PTPRA: variants seen among roughly 807,000 people sequenced by gnomAD.
PTPRA encodes the protein protein tyrosine phosphatase receptor type A, also known as receptor-type tyrosine-protein phosphatase alpha.
PTPRA carries 25 observed loss-of-function variants against 104.8 expected under a neutral mutation model. The observed-to-expected ratio is 0.24, with a 90% CI of 0.17 to 0.33. The LOEUF (loss-of-function observed/expected upper bound fraction) is 0.33. Ranked by LOEUF, PTPRA falls within the 10% of genes least tolerant of loss-of-function variation. The pLI, the probability that PTPRA is intolerant of heterozygous loss-of-function variation, is 1.00. For synonymous variants in PTPRA, 323 were observed against 368.9 expected (o/e 0.88, Z 1.43); for missense variants, 765 against 1,015.3 (o/e 0.75, Z 3.35).
chr20:2,953,871 G>T (rs552394069), intron 3 of PTPRA, among the ~76,000 whole-genome samples: 1 of 151,558 alleles, frequency 6.6e-6, no homozygotes, highest in Non-Finnish European at 1.5e-5. Context: ...GATTACAGGG[G>T]TGAGCCACCA....
intron 3 of PTPRA, among the ~76,000 whole-genome samples, chr20:2,954,762 A>G (rs931005745): frequency 1.3e-5 from 2 of 152,152 alleles, no homozygotes; most frequent in Admixed American, 1.3e-4. Flanking sequence ...ATATCCAAGA[A>G]ATTTTTGCCA....
upstream of PTPRA, among the ~76,000 whole-genome samples, chr20:2,870,653 A>G (rs1771885496): frequency 6.6e-6 from 1 of 152,202 alleles, no homozygotes; most frequent in Non-Finnish European, 1.5e-5. Context: ...TCCATTTACT[A>G]GAAGGGGAAA....
At chr20:2,908,835 G>A (rs1251861406) in intron 1 of PTPRA, among the ~76,000 whole-genome samples, 1 of 152,178 alleles carries the variant, frequency 6.6e-6, no homozygotes, top group Non-Finnish European at 1.5e-5. Context: ...TGATAGTTAT[G>A]TACTAATAAA....
At chr20:3,026,387 G>A (rs1344191762) in intron 17 of PTPRA, among the ~76,000 whole-genome samples, 2 of 152,178 alleles carry the variant, frequency 1.3e-5, no homozygotes, top group East Asian at 1.9e-4. Context: ...GCCTCTGGGG[G>A]TGGAACTGCA....
chr20:2,975,663 T>C (rs2062401312), intron 6 of PTPRA, among the ~76,000 whole-genome samples: 1 of 152,210 alleles, frequency 6.6e-6, no homozygotes, highest in Non-Finnish European at 1.5e-5. Context: ...ATGGATTTTA[T>C]GGATTTTCAG....
At chr20:2,916,810 C>G (rs1229554585) in intron 1 of PTPRA, among the ~76,000 whole-genome samples, 1 of 152,298 alleles carries the variant, frequency 6.6e-6, no homozygotes, top group South Asian at 2.1e-4. Flanking sequence ...TATACCATTA[C>G]CACACAGCTT....
intron 1 of PTPRA, among the ~76,000 whole-genome samples, chr20:2,918,495 G>C (rs1169243672): frequency 6.6e-6 from 1 of 152,178 alleles, no homozygotes; most frequent in African/African-American, 2.4e-5. Context: ...GTTAACAGTA[G>C]GGGATGGTAA....
upstream of PTPRA, chr20:2,873,272 C>G (rs563081872): frequency 6.6e-6 from 1 of 152,364 alleles, no homozygotes; most frequent in Admixed American, 6.5e-5. The surrounding 1 kb of genome is among the most constrained non-coding windows in gnomAD (Gnocchi z 4.4). Context: ...TTCCGGGGTC[C>G]AGCTTCCCGA....
At chr20:2,987,666 C>A (rs2062964335) in intron 7 of PTPRA, among the ~76,000 whole-genome samples, 2 of 152,208 alleles carry the variant, frequency 1.3e-5, no homozygotes. Flanking sequence ...GTCTCCCAGG[C>A]TACACTGAGG....
chr20:2,909,022 T>G (rs2059528723), intron 1 of PTPRA, among the ~76,000 whole-genome samples: 1 of 152,166 alleles, frequency 6.6e-6, no homozygotes. Context: ...GCCACTCCAC[T>G]CTGCCAGTCA....
At chr20:2,880,766 AT>A (rs924323246) in intron 1 of PTPRA, among the ~76,000 whole-genome samples, 3 of 152,156 alleles carry the variant, frequency 2.0e-5, no homozygotes, top group Admixed American at 2.0e-4. Flanking sequence ...CACACCCATA[AT>A]CCCACTGTTT....
intron 1 of PTPRA, among the ~76,000 whole-genome samples, chr20:2,909,992 TATATA>T (rs1450979819): frequency 5.1e-5 from 4 of 78,314 alleles, no homozygotes; most frequent in Non-Finnish European, 9.3e-5. Flanking sequence ...ATATATCATA[TATATA>T]ATCTATCATA....
chr20:2,878,182 T>G (rs750734006), intron 1 of PTPRA, among the ~76,000 whole-genome samples: 2 of 149,906 alleles, frequency 1.3e-5, no homozygotes, highest in Non-Finnish European at 2.9e-5. Flanking sequence ...CAGTATAGTA[T>G]TCCATGCATC....
At position 2,964,972 on chromosome 20, in the gene PTPRA, C is replaced by T; in HGVS notation, c.185C>T (p.Ala62Val). ...TCTTCACTAACTTCTCTTTCTGTGG[C>T]ACCAACATTCAGCCCAAATATAACT... is the stretch of plus-strand genomic sequence containing the variant. Reference protein sequence around the residue: ...PTSSLTSLSVAPTFSPNITLG... With the variant: ...PTSSLTSLSVVPTFSPNITLG... The change falls in exon 5 of 24, where the codon GCA becomes GTA. Residue 62 changes from alanine to valine, a missense_variant. Coordinates refer to ENST00000399903, the MANE Select transcript of PTPRA (RefSeq NM_001385305.1). 6.2e-7 allele frequency: 1 copy of T among 1,613,822 alleles called. No homozygotes were observed. Among genetic ancestry groups the T allele is most frequent in the East Asian group, 2.2e-5 (1 of 44,890 alleles).
rs796613262 is a variant in PTPRA, at chr20:3,002,900, C to G, written c.739-2156C>G. Among the ~76,000 whole-genome samples the G allele has an allele frequency of 2.6e-4, 40 of 152,270 alleles. 1 individual carries two copies. The highest frequency in any genetic ancestry group is 8.4e-4 in the African/African-American group (35 of 41,544). ...TCTCTTCCTACTTCCTCCTGCCATC[C>G]CCATCAACCTCACCTTCTGCGTGAT... On this transcript the variant is annotated intron_variant, in intron 9 of 23. Transcript: ENST00000399903.
intron 1 of PTPRA, among the ~76,000 whole-genome samples, chr20:2,890,380 T>C (rs1234184371): frequency 1.3e-5 from 2 of 152,216 alleles, no homozygotes; most frequent in Non-Finnish European, 2.9e-5. Flanking sequence ...TTAGCTCTTC[T>C]GAGACTCACT....
chr20:2,901,685 T>C (rs937215481), intron 1 of PTPRA, among the ~76,000 whole-genome samples: 5 of 152,142 alleles, frequency 3.3e-5, no homozygotes, highest in African/African-American at 1.2e-4. Flanking sequence ...CTCCCTAATT[T>C]GGAAAAATCT....
In PTPRA at chr20:2,929,661, C is replaced by CA. The variant is rs533784857; in HGVS notation, c.-50+6382dup. 1.3e-3 allele frequency among the ~76,000 whole-genome samples: 200 copies of CA among 151,982 alleles called. No homozygotes were observed. The Middle Eastern group carries it at 0.014, about 10-fold the overall frequency. On this transcript the variant is annotated intron_variant, in intron 2 of 23. Coordinates refer to ENST00000399903, the MANE Select transcript of PTPRA (RefSeq NM_001385305.1). ...GAAACATGGGGAGATCCCATCTCTA[C>CA]AAAAAATGCACAAATTACCCAGGCG...
At chr20:2,879,976 A>T (rs919769290) in intron 1 of PTPRA, among the ~76,000 whole-genome samples, 2 of 152,142 alleles carry the variant, frequency 1.3e-5, no homozygotes, top group Non-Finnish European at 2.9e-5. Context: ...ATATATTTTA[A>T]CTCCCCAGGT....
Sources: allele counts gnomAD v4.1 joint callset (sites outside exome capture counted in the v4.1 genomes callset), GRCh38; gene constraint gnomAD v4.1.1; non-coding constraint Gnocchi (gnomAD v3.1); transcripts MANE v1.5; gene names NCBI Gene and HGNC (gene_info 2026-07-23, HGNC 2026-07-21).